SUGCT: variants seen among roughly 807,000 people sequenced by gnomAD.
The protein encoded by SUGCT is succinyl-CoA:glutarate CoA-transferase.
In SUGCT, 41 loss-of-function variants were observed where a neutral mutation model predicts 55.0. The ratio of observed to expected loss-of-function variants is 0.74; its 90% CI spans 0.58 to 0.97. SUGCT has a LOEUF of 0.97. Among genes scored for constraint, SUGCT ranks in the 50% least tolerant of loss-of-function variants. The pLI, the probability that SUGCT is intolerant of heterozygous loss-of-function variation, is 0.00. For synonymous variants in SUGCT, 187 were observed against 200.4 expected (o/e 0.93, Z 0.56); for missense variants, 568 against 547.8 (o/e 1.04, Z -0.37).
chr7:40,932,717 G>A, the SUGCT span, among the ~76,000 whole-genome samples: 1 of 149,578 alleles, frequency 6.7e-6, no homozygotes, highest in Non-Finnish European at 1.5e-5. Context: ...TTGGTTTCAA[G>A]TCTGCTTTAT....
chr7:40,891,374 AAGTCAG>A, the SUGCT span, among the ~76,000 whole-genome samples: 5 of 152,234 alleles, frequency 3.3e-5, no homozygotes, highest in Non-Finnish European at 7.4e-5. Flanking sequence ...AAATTCCCAA[AAGTCAG>A]AGTCAAAGAG....
At chr7:40,407,515 TAAG>T (rs1786438525) in intron 9 of SUGCT, among the ~76,000 whole-genome samples, 1 of 152,004 alleles carries the variant, frequency 6.6e-6, no homozygotes, top group Non-Finnish European at 1.5e-5. Flanking sequence ...CTTTAAGTCT[TAAG>T]AAGATAGAAA....
At chr7:40,993,535 G>A in the SUGCT span, among the ~76,000 whole-genome samples, 1 of 152,176 alleles carries the variant, frequency 6.6e-6, no homozygotes, top group Non-Finnish European at 1.5e-5. Context: ...CTTCATTGTT[G>A]GGTGTTCACA....
the SUGCT span, among the ~76,000 whole-genome samples, chr7:40,867,871 T>C: frequency 2.0e-5 from 3 of 152,232 alleles, no homozygotes; most frequent in Non-Finnish European, 4.4e-5. Context: ...ACCTGGTTAC[T>C]GGTGGTTCTC....
intron 13 of SUGCT, among the ~76,000 whole-genome samples, chr7:40,786,231 A>G (rs754177341): frequency 1.3e-5 from 2 of 152,250 alleles, no homozygotes; most frequent in Non-Finnish European, 2.9e-5. Flanking sequence ...ATGTGTGTTG[A>G]CAATAATACA....
the SUGCT span, among the ~76,000 whole-genome samples, chr7:40,970,523 T>G: frequency 6.6e-6 from 1 of 152,302 alleles, no homozygotes; most frequent in South Asian, 2.1e-4. Flanking sequence ...TAGATTTTCT[T>G]TTGGGTGCCA....
At chr7:40,187,552 T>A (rs1785596784) in intron 3 of SUGCT, among the ~76,000 whole-genome samples, 1 of 152,198 alleles carries the variant, frequency 6.6e-6, no homozygotes, top group African/African-American at 2.4e-5. Context: ...ACACAGAGCC[T>A]TCTGAAACCC....
intron 12 of SUGCT, among the ~76,000 whole-genome samples, chr7:40,718,374 G>A (rs569776078): frequency 6.6e-6 from 1 of 152,256 alleles, no homozygotes; most frequent in South Asian, 2.1e-4. Context: ...TTTAACATCT[G>A]TTTTTCATGT....
intron 12 of SUGCT, among the ~76,000 whole-genome samples, chr7:40,676,410 A>G (rs1783978328): frequency 6.6e-6 from 1 of 152,070 alleles, no homozygotes; most frequent in South Asian, 2.1e-4. Flanking sequence ...AAATAGGAAA[A>G]GTATATACCA....
At chr7:40,304,326 T>C (rs1325340318) in intron 8 of SUGCT, among the ~76,000 whole-genome samples, 1 of 152,076 alleles carries the variant, frequency 6.6e-6, no homozygotes, top group Non-Finnish European at 1.5e-5. Context: ...TGCCTAGTGC[T>C]ATCTCATGGA....
intron 12 of SUGCT, among the ~76,000 whole-genome samples, chr7:40,726,464 C>G (rs1786617054): frequency 6.6e-6 from 1 of 151,950 alleles, no homozygotes; most frequent in Admixed American, 6.6e-5. Flanking sequence ...GTCTTGCTGT[C>G]TCAGGGGTGG....
intron 13 of SUGCT, among the ~76,000 whole-genome samples, chr7:40,837,680 T>C (rs958778282): frequency 3.9e-5 from 6 of 152,136 alleles, no homozygotes; most frequent in African/African-American, 1.4e-4. Flanking sequence ...GCCTCCTGGT[T>C]GAGCGATTGA....
chr7:40,194,947 C>T lies in SUGCT; in HGVS notation c.371C>T (p.Ala124Val). 1.9e-6 allele frequency: 3 copies of T among 1,612,946 alleles called. No individual in the cohort carries two copies. Among genetic ancestry groups the T allele is most frequent in the Non-Finnish European group, 2.5e-6 (3 of 1,179,538 alleles). Reference protein sequence around the residue: ...KGVKIIKELAAVCDVFVENYV... With the variant: ...KGVKIIKELAVVCDVFVENYV... ...GTTCACCTCTTCCATCAGCTTGCAG[C>T]TGTTTGTGATGTGTTTGTGGAAAAC... The change falls in exon 6 of 14, where the codon GCT (alanine) becomes GTT (valine). Residue 124 changes from alanine (A) to valine (V), a missense_variant. Coordinates refer to ENST00000335693, the MANE Select transcript of SUGCT (RefSeq NM_001193313.2).
intron 13 of SUGCT, among the ~76,000 whole-genome samples, chr7:40,750,314 CATTGTGTCCAT>C (rs1339601023): frequency 6.6e-6 from 1 of 152,210 alleles, no homozygotes; most frequent in Non-Finnish European, 1.5e-5. Context: ...ATTATTTGTT[CATTGTGTCCAT>C]ATTTTCTAGA....
chr7:40,293,191 T>C (rs985713895), intron 8 of SUGCT, among the ~76,000 whole-genome samples: 27 of 152,210 alleles, frequency 1.8e-4, no homozygotes, highest in African/African-American at 6.3e-4. Flanking sequence ...TTAGGTCTTA[T>C]TGTCACTATG....
the SUGCT span, among the ~76,000 whole-genome samples, chr7:41,038,207 T>A: frequency 6.6e-6 from 1 of 152,152 alleles, no homozygotes; most frequent in Non-Finnish European, 1.5e-5. Flanking sequence ...TTTGCCCTCC[T>A]CTGTTGGGCC....
chr7:40,300,215 C>T (rs945868697), intron 8 of SUGCT, among the ~76,000 whole-genome samples: 1 of 152,082 alleles, frequency 6.6e-6, no homozygotes, highest in African/African-American at 2.4e-5. Context: ...GTCATACAGA[C>T]AAGGCTGTGA....
intron 1 of SUGCT, among the ~76,000 whole-genome samples, chr7:40,138,830 A>G (rs564207423): frequency 6.6e-5 from 10 of 152,360 alleles, no homozygotes; most frequent in African/African-American, 2.4e-4. Context: ...GCATGAAAAC[A>G]TGACTCTTAA....
At chr7:40,349,994 A>G (rs1444575037) in intron 9 of SUGCT, among the ~76,000 whole-genome samples, 2 of 152,020 alleles carry the variant, frequency 1.3e-5, no homozygotes, top group African/African-American at 4.8e-5. Flanking sequence ...AGCTTTTCCT[A>G]TATTTTTGTC....
Sources: gnomAD v4.1 joint callset for allele counts (sites outside exome capture counted in the v4.1 genomes callset) on GRCh38, gnomAD v4.1.1 for gene constraint, MANE v1.5 for transcripts, NCBI Gene and HGNC (gene_info 2026-07-23, HGNC 2026-07-21) for gene names.